DYNC1I1: variants seen among roughly 807,000 people sequenced by gnomAD.
DYNC1I1 encodes the protein dynein cytoplasmic 1 intermediate chain 1.
DYNC1I1 carries 43 observed loss-of-function variants against 86.6 expected under a neutral mutation model. That is an observed-to-expected ratio of 0.50 (90% CI 0.39 to 0.64). The LOEUF is 0.64. Among genes scored for constraint, DYNC1I1 ranks in the 30% least tolerant of loss-of-function variants. The pLI, the probability that DYNC1I1 is intolerant of heterozygous loss-of-function variation, is 0.00. For missense variants in DYNC1I1, 604 were observed against 788.8 expected (o/e 0.77, Z 2.81); for synonymous variants, 262 against 283.7 (o/e 0.92, Z 0.77).
intron 3 of DYNC1I1, among the ~76,000 whole-genome samples, chr7:95,812,076 G>C (rs945069390): frequency 5.9e-5 from 9 of 152,096 alleles, no homozygotes; most frequent in African/African-American, 1.2e-4. Flanking sequence ...CTTACCCTCT[G>C]AGCTTACTCA....
At chr7:95,825,118 A>G (rs1330310635) in intron 4 of DYNC1I1, among the ~76,000 whole-genome samples, 1 of 152,240 alleles carries the variant, frequency 6.6e-6, no homozygotes, top group Non-Finnish European at 1.5e-5. Flanking sequence ...TAGGTGTGCC[A>G]GGAGGCAAGG....
At chr7:95,891,969 CTT>C (rs11322703) in intron 6 of DYNC1I1, among the ~76,000 whole-genome samples, 1 of 150,846 alleles carries the variant, frequency 6.6e-6, no homozygotes, top group African/African-American at 2.4e-5. Context: ...GTTTTTGTAA[CTT>C]TTTTTTTTCT....
At chr7:95,915,015 G>A (rs756858686) in intron 6 of DYNC1I1, among the ~76,000 whole-genome samples, 3 of 152,076 alleles carry the variant, frequency 2.0e-5, no homozygotes, top group Admixed American at 6.5e-5. Context: ...TGTGCCCCTC[G>A]AGATCCATTG....
chr7:95,857,930 T>C (rs1304613609), intron 5 of DYNC1I1, among the ~76,000 whole-genome samples: 1 of 152,270 alleles, frequency 6.6e-6, no homozygotes, highest in Non-Finnish European at 1.5e-5. Flanking sequence ...GCCTTTTCTT[T>C]CAACGTCACA....
chr7:95,941,805 C>T (rs1792231644), intron 6 of DYNC1I1, among the ~76,000 whole-genome samples: 1 of 152,156 alleles, frequency 6.6e-6, no homozygotes, highest in Admixed American at 6.5e-5. Context: ...GTGCACTGCA[C>T]CCACTGTCCT....
At chr7:96,053,143 A>G (rs1238604393) in intron 14 of DYNC1I1, among the ~76,000 whole-genome samples, 1 of 152,190 alleles carries the variant, frequency 6.6e-6, no homozygotes, top group Non-Finnish European at 1.5e-5. Context: ...TACTTTTGCA[A>G]TCCTTCATGA....
At chr7:96,106,805 G>T (rs895781655) in intron 16 of DYNC1I1, among the ~76,000 whole-genome samples, 1 of 152,090 alleles carries the variant, frequency 6.6e-6, no homozygotes, top group African/African-American at 2.4e-5. Context: ...TATTTCAAAT[G>T]CTTTTAAATT....
intron 6 of DYNC1I1, among the ~76,000 whole-genome samples, chr7:95,972,698 A>G (rs928314214): frequency 2.0e-5 from 3 of 152,184 alleles, no homozygotes; most frequent in African/African-American, 7.2e-5. Flanking sequence ...GCTGCATACT[A>G]AAACTGTCTA....
intron 7 of DYNC1I1, among the ~76,000 whole-genome samples, chr7:95,978,675 T>C (rs1417480649): frequency 6.6e-6 from 1 of 152,216 alleles, no homozygotes; most frequent in Non-Finnish European, 1.5e-5. Flanking sequence ...CACTGGGGTC[T>C]TTGTAGGAAT....
chr7:96,085,066 C>T (rs1562999811), intron 16 of DYNC1I1, among the ~76,000 whole-genome samples: 1 of 152,136 alleles, frequency 6.6e-6, no homozygotes, highest in Admixed American at 6.5e-5. Context: ...CCCTGGCACT[C>T]CCTGATTAGG....
At chr7:95,899,986 C>T (rs181455738) in intron 6 of DYNC1I1, among the ~76,000 whole-genome samples, 85 of 152,212 alleles carry the variant, frequency 5.6e-4, no homozygotes, top group African/African-American at 2.0e-3. Flanking sequence ...TAGGTGCTCG[C>T]CTGTATTTTG....
intron 16 of DYNC1I1, among the ~76,000 whole-genome samples, chr7:96,105,209 GA>G (rs1451363135): frequency 6.6e-6 from 1 of 151,712 alleles, no homozygotes; most frequent in African/African-American, 2.4e-5. Context: ...ATTATTTATA[GA>G]TTTTTTTAGA....
intron 6 of DYNC1I1, among the ~76,000 whole-genome samples, chr7:95,935,450 A>G (rs1379901947): frequency 2.0e-5 from 3 of 152,040 alleles, no homozygotes; most frequent in Non-Finnish European, 2.9e-5. Flanking sequence ...AGTACTAATA[A>G]CACTTCAAGA....
intron 16 of DYNC1I1, among the ~76,000 whole-genome samples, chr7:96,082,619 A>G (rs534350403): frequency 6.6e-6 from 1 of 152,196 alleles, no homozygotes; most frequent in Non-Finnish European, 1.5e-5. Flanking sequence ...TAAATGTTAT[A>G]TATATACACA....
chr7:96,109,939 T>G (rs1791286756), intron 16 of DYNC1I1: 1 of 287,784 alleles, frequency 3.5e-6, no homozygotes, highest in African/African-American at 2.3e-5. Flanking sequence ...ATATATGTAC[T>G]GATTTTCTGC....
intron 14 of DYNC1I1, among the ~76,000 whole-genome samples, chr7:96,064,615 T>C (rs1024550478): frequency 1.4e-5 from 2 of 142,232 alleles, no homozygotes; most frequent in Non-Finnish European, 3.1e-5. Flanking sequence ...CAAGGTAACA[T>C]GCTAGAAGCA....
intron 5 of DYNC1I1, among the ~76,000 whole-genome samples, chr7:95,868,228 C>A (rs1479932751): frequency 6.6e-6 from 1 of 152,216 alleles, no homozygotes; most frequent in Admixed American, 6.5e-5. Flanking sequence ...CAGAGACAGC[C>A]AGCGAGGCTT....
intron 10 of DYNC1I1, among the ~76,000 whole-genome samples, chr7:96,015,459 A>C (rs1794377929): frequency 1.3e-5 from 2 of 152,110 alleles, no homozygotes; most frequent in Non-Finnish European, 2.9e-5. Flanking sequence ...TTATGATTGA[A>C]AATAGTATTT....
At chr7:95,797,567 A>T (rs1312227898) in intron 1 of DYNC1I1, among the ~76,000 whole-genome samples, 1 of 152,348 alleles carries the variant, frequency 6.6e-6, no homozygotes, top group African/African-American at 2.4e-5. Context: ...TATTCATGAC[A>T]TTATAAAATC....
Sources: gnomAD v4.1 joint callset for allele counts (sites outside exome capture counted in the v4.1 genomes callset) on GRCh38, gnomAD v4.1.1 for gene constraint, MANE v1.5 for transcripts, NCBI Gene and HGNC (gene_info 2026-07-23, HGNC 2026-07-21) for gene names.